Variants in DLC1 observed in about 807,000 individuals in gnomAD.
DLC1 encodes rho GTPase-activating protein 7.
DLC1 carries 54 observed loss-of-function variants against 140.3 expected under a neutral mutation model. That is an observed-to-expected ratio of 0.38 (90% CI 0.31 to 0.48). DLC1 has a LOEUF of 0.48. DLC1 is among the 20% of genes least tolerant of loss of function. The pLI is 0.96. For synonymous variants in DLC1, 986 were observed against 728.1 expected (o/e 1.35, Z -5.70); for missense variants, 2,536 against 1,907.0 (o/e 1.33, Z -6.14).
intron 2 of DLC1, among the ~76,000 whole-genome samples, chr8:13,430,638 C>T (rs1023865): frequency 0.41 from 61,670 of 151,956 alleles, 12,733 homozygotes; most frequent in African/African-American, 0.46. Context: ...CTCCATTGAA[C>T]AAAAAGATTG....
chr8:13,215,990 T>C (rs946154633), intron 5 of DLC1, among the ~76,000 whole-genome samples: 4 of 152,192 alleles, frequency 2.6e-5, no homozygotes, highest in East Asian at 1.9e-4. Context: ...CCCAGAAAAG[T>C]TTCCTAGGTG....
chr8:13,186,267 C>T (rs1253601910), intron 5 of DLC1, among the ~76,000 whole-genome samples: 2 of 152,128 alleles, frequency 1.3e-5, no homozygotes, highest in South Asian at 2.1e-4. Context: ...CCATTCTGCC[C>T]ATCACTTTCG....
At chr8:13,381,990 G>C (rs1836281421) in intron 4 of DLC1, among the ~76,000 whole-genome samples, 1 of 152,106 alleles carries the variant, frequency 6.6e-6, no homozygotes, top group Non-Finnish European at 1.5e-5. Flanking sequence ...GTTAGCATAA[G>C]CCAGGTAGCT....
chr8:13,094,053 T>C (rs569657347), intron 12 of DLC1, among the ~76,000 whole-genome samples: 1 of 152,172 alleles, frequency 6.6e-6, no homozygotes, highest in Non-Finnish European at 1.5e-5. Context: ...CAGACACCTG[T>C]GAAATTTTAA....
chr8:13,580,900 G>A (rs77774885), intron 1 of DLC1, among the ~76,000 whole-genome samples: 1 of 152,190 alleles, frequency 6.6e-6, no homozygotes, highest in African/African-American at 2.4e-5. Flanking sequence ...TGATGAGGGG[G>A]TGAGGATGGG....
At chr8:13,307,716 G>A (rs1300815453) in intron 4 of DLC1, among the ~76,000 whole-genome samples, 1 of 152,192 alleles carries the variant, frequency 6.6e-6, no homozygotes, top group Non-Finnish European at 1.5e-5. Flanking sequence ...CTTACTGGGT[G>A]CTTAGTTTGT....
At chr8:13,174,878 C>T (rs1825675117) in intron 5 of DLC1, among the ~76,000 whole-genome samples, 1 of 151,980 alleles carries the variant, frequency 6.6e-6, no homozygotes, top group Non-Finnish European at 1.5e-5. Context: ...TCCCACCTGT[C>T]AATTTTTGGT....
At chr8:13,394,635 A>G (rs1373713064) in intron 3 of DLC1, among the ~76,000 whole-genome samples, 1 of 152,188 alleles carries the variant, frequency 6.6e-6, no homozygotes, top group African/African-American at 2.4e-5. Context: ...TGATTTAAAT[A>G]TCTCTATGTA....
chr8:13,604,034 C>G (rs1435605914), intron 1 of DLC1, among the ~76,000 whole-genome samples: 1 of 151,894 alleles, frequency 6.6e-6, no homozygotes, highest in Non-Finnish European at 1.5e-5. Context: ...ATATTTTTTT[C>G]TAATCAACAT....
At chr8:13,226,282 T>C (rs1182385120) in intron 5 of DLC1, among the ~76,000 whole-genome samples, 4 of 152,222 alleles carry the variant, frequency 2.6e-5, no homozygotes, top group East Asian at 1.9e-4. Context: ...GAAATTTCTC[T>C]AGAAAATTAG....
At chr8:13,188,603 CTTTT>C (rs769280491) in intron 5 of DLC1, among the ~76,000 whole-genome samples, 3 of 116,176 alleles carry the variant, frequency 2.6e-5, no homozygotes, top group Non-Finnish European at 1.7e-5. Flanking sequence ...ATGTCTATTA[CTTTT>C]TTTTTTTTTT....
At chr8:13,177,497 A>T (rs561876251) in intron 5 of DLC1, among the ~76,000 whole-genome samples, 1 of 152,298 alleles carries the variant, frequency 6.6e-6, no homozygotes, top group African/African-American at 2.4e-5. Context: ...ACAAGTGCAT[A>T]GTCTTCAATC....
Position 13,086,365 on chromosome 8 carries a change from A to G in DLC1, c.4391T>C (p.Leu1464Pro). The change falls in exon 17 of 18, where the codon CTC becomes CCC. Residue 1464 changes from leucine to proline, a missense_variant. Coordinates refer to ENST00000276297, the MANE Select transcript of DLC1 (RefSeq NM_182643.3). ...APVVGVRVNV[L>P]LSRYLIEPCG... is the part of the protein sequence containing the mutation. Reference sequence around the variant, plus strand: ...GGGTTCAATCAAATACCTGGACAAGAGCACATTAACCCTCACACCCACCAC... The same window carrying G: ...GGGTTCAATCAAATACCTGGACAAGGGCACATTAACCCTCACACCCACCAC... The G allele has an allele frequency of 6.2e-7, 1 of 1,614,234 alleles. No homozygotes were observed. Among genetic ancestry groups the G allele is most frequent in the Non-Finnish European group, 8.5e-7 (1 of 1,180,040 alleles).
At chr8:13,188,864 T>C (rs1385033405) in intron 5 of DLC1, among the ~76,000 whole-genome samples, 1 of 123,152 alleles carries the variant, frequency 8.1e-6, no homozygotes, top group Non-Finnish European at 1.7e-5. Context: ...TTTTTTTTTT[T>C]TTTTTTAGTG....
intron 2 of DLC1, among the ~76,000 whole-genome samples, chr8:13,474,737 A>T (rs148511913): frequency 1.1e-3 from 160 of 152,332 alleles, no homozygotes; most frequent in African/African-American, 3.7e-3. Flanking sequence ...TTGGAGTTTT[A>T]AGATGTGACT....
chr8:13,178,322 G>A (rs1825859638), intron 5 of DLC1, among the ~76,000 whole-genome samples: 1 of 152,072 alleles, frequency 6.6e-6, no homozygotes, highest in Admixed American at 6.6e-5. Flanking sequence ...CAGCATTTCG[G>A]GAGGCCATGA....
At chr8:13,329,839 G>T (rs1833513793) in intron 4 of DLC1, among the ~76,000 whole-genome samples, 1 of 152,128 alleles carries the variant, frequency 6.6e-6, no homozygotes, top group African/African-American at 2.4e-5. Context: ...TAACTTTCAT[G>T]TAGTAAGTAA....
chr8:13,119,243 A>C (rs867741210), intron 5 of DLC1, among the ~76,000 whole-genome samples: 106 of 151,956 alleles, frequency 7.0e-4, no homozygotes, highest in African/African-American at 2.5e-3. Flanking sequence ...AAAAAAAAAA[A>C]AAAATAGGTC....
At chr8:13,323,515 AG>A (rs1833212245) in intron 4 of DLC1, among the ~76,000 whole-genome samples, 1 of 152,128 alleles carries the variant, frequency 6.6e-6, no homozygotes. Flanking sequence ...TTTGCAGTTA[AG>A]TATTTTGCTT....
Sources: gnomAD v4.1 joint callset for allele counts (sites outside exome capture counted in the v4.1 genomes callset) on GRCh38, gnomAD v4.1.1 for gene constraint, MANE v1.5 for transcripts, NCBI Gene and HGNC (gene_info 2026-07-23, HGNC 2026-07-21) for gene names.